Variants in ENOX1 observed in about 807,000 individuals in gnomAD.
ENOX1 encodes the protein ecto-NOX disulfide-thiol exchanger 1.
A neutral mutation model predicts 82.5 loss-of-function variants in ENOX1; 42 were observed. That is an observed-to-expected ratio of 0.51 (90% CI 0.40 to 0.66). The LOEUF (loss-of-function observed/expected upper bound fraction) is 0.66, where lower values mean the gene tolerates loss of function less well. Among genes scored for constraint, ENOX1 ranks in the 30% least tolerant of loss-of-function variants. The pLI is 0.00. For synonymous variants in ENOX1, 271 were observed against 282.2 expected, an observed-to-expected ratio of 0.96 and a Z score of 0.40; for missense variants, 608 against 811.6, an observed-to-expected ratio of 0.75 and a Z score of 3.05.
chr13:43,498,085 G>A (rs1318143850), intron 2 of ENOX1, among the ~76,000 whole-genome samples: 1 of 151,760 alleles, frequency 6.6e-6, no homozygotes, highest in Admixed American at 6.6e-5. Flanking sequence ...CTCCTTTCTT[G>A]GTACATTAAA....
intron 1 of ENOX1, among the ~76,000 whole-genome samples, chr13:43,753,224 T>G (rs146273369): frequency 1.1e-3 from 162 of 152,250 alleles, no homozygotes; most frequent in Middle Eastern, 6.8e-3. Context: ...GGCATTTTGA[T>G]TGGGTTTTTG....
chr13:43,644,945 G>C (rs1470070564), intron 2 of ENOX1, among the ~76,000 whole-genome samples: 2 of 152,104 alleles, frequency 1.3e-5, no homozygotes, highest in African/African-American at 4.8e-5. Flanking sequence ...CGAGTTACTT[G>C]GGTTCAATTT....
chr13:43,319,512 T>C (rs1005901899), intron 11 of ENOX1, among the ~76,000 whole-genome samples: 3 of 152,172 alleles, frequency 2.0e-5, no homozygotes, highest in African/African-American at 7.2e-5. Flanking sequence ...ACACAATAAA[T>C]TGTGCCTTTC....
At chr13:43,500,341 G>A (rs2076936723) in intron 2 of ENOX1, among the ~76,000 whole-genome samples, 1 of 152,090 alleles carries the variant, frequency 6.6e-6, no homozygotes, top group African/African-American at 2.4e-5. Context: ...AAGAGAAAAA[G>A]GACTCCTCAC....
chr13:43,450,664 C>G (rs1346112911), intron 3 of ENOX1, among the ~76,000 whole-genome samples: 1 of 152,058 alleles, frequency 6.6e-6, no homozygotes, highest in Non-Finnish European at 1.5e-5. Context: ...TTATGCAGTA[C>G]CTGGCCCTGG....
intron 1 of ENOX1, among the ~76,000 whole-genome samples, chr13:43,785,868 G>A (rs1275654196): frequency 6.6e-6 from 1 of 152,178 alleles, no homozygotes; most frequent in Non-Finnish European, 1.5e-5. Flanking sequence ...GACGTGGGGT[G>A]GTCTGGGAGG....
intron 9 of ENOX1, among the ~76,000 whole-genome samples, chr13:43,330,068 A>G (rs924716007): frequency 2.6e-5 from 4 of 152,248 alleles, no homozygotes; most frequent in Non-Finnish European, 5.9e-5. Flanking sequence ...CATTGCTTAT[A>G]GCAGGAAACA....
At chr13:43,662,803 C>T (rs1443551264) in intron 2 of ENOX1, among the ~76,000 whole-genome samples, 2 of 152,162 alleles carry the variant, frequency 1.3e-5, no homozygotes, top group African/African-American at 4.8e-5. Context: ...GGTATATGGC[C>T]CTTCCCTTCA....
chr13:43,388,108 C>T (rs1427602011), intron 5 of ENOX1, among the ~76,000 whole-genome samples: 1 of 152,122 alleles, frequency 6.6e-6, no homozygotes, highest in Non-Finnish European at 1.5e-5. Context: ...ACGTTAGAGA[C>T]AGAGTCAGTA....
intron 11 of ENOX1, among the ~76,000 whole-genome samples, chr13:43,315,672 A>C (rs1319761885): frequency 6.6e-6 from 1 of 152,212 alleles, no homozygotes; most frequent in Non-Finnish European, 1.5e-5. Context: ...CGATAAAATG[A>C]CACTAAAATA....
At chr13:43,676,682 T>C (rs924869829) in intron 1 of ENOX1, among the ~76,000 whole-genome samples, 1 of 152,176 alleles carries the variant, frequency 6.6e-6, no homozygotes, top group African/African-American at 2.4e-5. Flanking sequence ...CAGGCAATTA[T>C]GCATGATCAC....
chr13:43,590,118 T>G (rs1186373421), intron 2 of ENOX1, among the ~76,000 whole-genome samples: 2 of 151,858 alleles, frequency 1.3e-5, no homozygotes, highest in Non-Finnish European at 2.9e-5. Flanking sequence ...GAGGAAAAAT[T>G]TTTTAATGAT....
At chr13:43,485,198 C>T (rs1226212790) in intron 2 of ENOX1, among the ~76,000 whole-genome samples, 1 of 152,160 alleles carries the variant, frequency 6.6e-6, no homozygotes, top group Non-Finnish European at 1.5e-5. Context: ...AGTCAGCTAT[C>T]TCTATATTTG....
chr13:43,390,892 C>T (rs916828634), intron 5 of ENOX1, among the ~76,000 whole-genome samples: 1 of 152,182 alleles, frequency 6.6e-6, no homozygotes, highest in Non-Finnish European at 1.5e-5. Context: ...CGAAGGAGGG[C>T]CAATTTAAAA....
chr13:43,484,721 A>C (rs976342825), intron 2 of ENOX1, among the ~76,000 whole-genome samples: 1 of 152,250 alleles, frequency 6.6e-6, no homozygotes, highest in Non-Finnish European at 1.5e-5. Context: ...ATAATGCTGC[A>C]ACATACTAAA....
intron 11 of ENOX1, among the ~76,000 whole-genome samples, chr13:43,303,293 T>G (rs1442031349): frequency 6.6e-6 from 1 of 152,190 alleles, no homozygotes; most frequent in Non-Finnish European, 1.5e-5. Flanking sequence ...CCTGCTCCAC[T>G]AGGAAAGGGA....
At chr13:43,598,575 G>A (rs994276851) in intron 2 of ENOX1, among the ~76,000 whole-genome samples, 2 of 152,070 alleles carry the variant, frequency 1.3e-5, no homozygotes, top group African/African-American at 4.8e-5. Context: ...CACAAGGATT[G>A]CCAGTGCCCT....
chr13:43,488,295 CAGGT>C (rs1225021199), intron 2 of ENOX1, among the ~76,000 whole-genome samples: 1 of 152,146 alleles, frequency 6.6e-6, no homozygotes, highest in Non-Finnish European at 1.5e-5. Context: ...ACACAGCATT[CAGGT>C]AGCTGGCCCT....
At chr13:43,407,105 A>G (rs1223550721) in intron 5 of ENOX1, among the ~76,000 whole-genome samples, 1 of 152,206 alleles carries the variant, frequency 6.6e-6, no homozygotes, top group Non-Finnish European at 1.5e-5. Flanking sequence ...GTTATACAGG[A>G]AGAGAGCAGC....
Sources: gnomAD v4.1 joint callset for allele counts (sites outside exome capture counted in the v4.1 genomes callset) on GRCh38, gnomAD v4.1.1 for gene constraint, MANE v1.5 for transcripts, NCBI Gene and HGNC (gene_info 2026-07-23, HGNC 2026-07-21) for gene names.